The following TMEM45A variants were observed in gnomAD, a reference collection of about 807,000 sequenced individuals.
The protein encoded by TMEM45A is transmembrane protein 45A, also known as DNA polymerase-transactivated protein 4.
A neutral mutation model predicts 32.0 loss-of-function variants in TMEM45A; 25 were observed. The observed-to-expected ratio is 0.78, with a 90% CI of 0.57 to 1.09. TMEM45A has a LOEUF of 1.09. Ranked by LOEUF, TMEM45A falls within the 50% of genes least tolerant of loss-of-function variation. The probability of loss-of-function intolerance (pLI) is 0.00; values close to 1 mark genes in which losing one functional copy is unlikely to be tolerated. For missense variants in TMEM45A, 302 were observed against 325.0 expected (o/e 0.93, Z 0.54); for synonymous variants, 122 against 114.8 (o/e 1.06, Z -0.40).
At chr3:100,499,232 T>C (rs1021312892) in intron 1 of TMEM45A, among the ~76,000 whole-genome samples, 21 of 152,232 alleles carry the variant, frequency 1.4e-4, no homozygotes, top group African/African-American at 5.1e-4. Context: ...CTTTTTTGCC[T>C]GCACTTTTGG....
At chr3:100,563,780 G>T (rs1706377093) in intron 4 of TMEM45A, among the ~76,000 whole-genome samples, 1 of 152,122 alleles carries the variant, frequency 6.6e-6, no homozygotes, top group Non-Finnish European at 1.5e-5. Context: ...TGGTCACTTT[G>T]GCTCCCACAG....
intron 1 of TMEM45A, among the ~76,000 whole-genome samples, chr3:100,507,334 C>T (rs1014578240): frequency 6.6e-6 from 1 of 152,180 alleles, no homozygotes; most frequent in African/African-American, 2.4e-5. Context: ...ATTTACAAAT[C>T]TTTTGGCTGC....
chr3:100,501,977 T>A, intron 1 of TMEM45A, among the ~76,000 whole-genome samples: 1 of 152,186 alleles, frequency 6.6e-6, no homozygotes, highest in East Asian at 1.9e-4. Context: ...GAAACCAAGG[T>A]GAAATTTAAG....
intron 1 of TMEM45A, among the ~76,000 whole-genome samples, chr3:100,518,694 T>G (rs1705350365): frequency 6.6e-6 from 1 of 152,172 alleles, no homozygotes. Flanking sequence ...TGAGTCGTAT[T>G]TGTGTTCAGA....
rs552283817 is a variant in TMEM45A, at chr3:100,508,724, C to T, written c.-4+15796C>T. Among the ~76,000 whole-genome samples the T allele has an allele frequency of 2.0e-5, 3 of 151,828 alleles. No individual in the cohort carries two copies. The South Asian group carries it at 6.2e-4, about 32-fold the overall frequency. ...TATATTGGGGAAAGGAAACCCTGTT[C>T]AATAAGTGGTGCTGGGAAAACTGGA... is the stretch of plus-strand genomic sequence containing the variant. On this transcript the variant is annotated intron_variant, in intron 1 of 5. Transcript: ENST00000323523.
chr3:100,558,632 G>C (rs7645690), intron 4 of TMEM45A, 43 bp downstream of exon 4: 665,982 of 1,584,880 alleles, frequency 0.42, 141,686 homozygotes, highest in Admixed American at 0.46. Context: ...CTCTTTGCCT[G>C]TAACTTCTCT....
chr3:100,561,736 C>T (rs1288966181), intron 4 of TMEM45A, among the ~76,000 whole-genome samples: 2 of 152,172 alleles, frequency 1.3e-5, no homozygotes, highest in African/African-American at 4.8e-5. Flanking sequence ...TCCTCACCGC[C>T]CAGGTGCAGG....
chr3:100,555,460 A>C lies in TMEM45A; in HGVS notation c.190+59A>C, dbSNP rs1046575116. On this transcript the variant is annotated intron_variant, in intron 2 of 5. Coordinates refer to ENST00000323523, the MANE Select transcript of TMEM45A (RefSeq NM_018004.3). ...TTTAGGTGTTTTCATTCTTTTAAAGAATTGGTTGGAGCTTCTGAAATAATT... is the reference window on the plus strand; with the variant it reads ...TTTAGGTGTTTTCATTCTTTTAAAGCATTGGTTGGAGCTTCTGAAATAATT... 1.2e-4 allele frequency: 181 copies of C among 1,476,966 alleles called. No individual in the cohort carries two copies. The African/African-American group carries it at 2.5e-3, about 20-fold the overall frequency. The allele number at this position is 1,476,966 out of a possible 1,614,324, so 91.5% of individuals were successfully genotyped here. A position where few individuals can be genotyped will look rare whatever the true frequency, so the allele number is the denominator to read the frequency against.
chr3:100,522,526 C>T lies in TMEM45A; in HGVS notation c.-4+29598C>T, dbSNP rs188723331. The stretch of plus-strand genomic sequence containing the variant: ...TCAAAATGAAGTTCTTCTTAAAAGT[C>T]CTAACTCTCTGGTGCTGGCCTATAG... On this transcript the variant is annotated intron_variant, in intron 1 of 5. Coordinates refer to ENST00000323523, the MANE Select transcript of TMEM45A (RefSeq NM_018004.3). 7.9e-5 allele frequency among the ~76,000 whole-genome samples: 12 copies of T among 152,282 alleles called. No individual in the cohort carries two copies. In the East Asian group the frequency reaches 1.9e-3, roughly 24 times the overall value.
At chr3:100,550,812 CG>C (rs950563903) in intron 1 of TMEM45A, among the ~76,000 whole-genome samples, 2 of 151,886 alleles carry the variant, frequency 1.3e-5, no homozygotes, top group Non-Finnish European at 2.9e-5. Context: ...GTGTTTACGC[CG>C]GGGGGTGTTC....
intron 1 of TMEM45A, among the ~76,000 whole-genome samples, chr3:100,515,531 T>C (rs9842423): frequency 0.032 from 4,662 of 147,388 alleles, 284 homozygotes; most frequent in African/African-American, 0.11. Context: ...TAATGCTAGA[T>C]GACGAGTTAG....
At chr3:100,528,586 A>G (rs1221102410) in intron 1 of TMEM45A, among the ~76,000 whole-genome samples, 1 of 152,006 alleles carries the variant, frequency 6.6e-6, no homozygotes, top group Non-Finnish European at 1.5e-5. Flanking sequence ...GAGTCAGAAC[A>G]TTTTCCGAGA....
chr3:100,508,648 T>A lies in TMEM45A; in HGVS notation c.-4+15720T>A, dbSNP rs115912676. On this transcript the variant is annotated intron_variant, in intron 1 of 5. Coordinates refer to ENST00000323523, the MANE Select transcript of TMEM45A (RefSeq NM_018004.3). ...TGGAACAGAATAGAGAATTCAGAAA[T>A]AAATCCACATATTTACAGTCAACTG... Among the ~76,000 whole-genome samples the A allele has an allele frequency of 9.2e-3, 1,395 of 152,088 alleles. 28 individuals carry two copies. The highest frequency in any genetic ancestry group is 0.032 in the African/African-American group (1,348 of 41,496).
intron 1 of TMEM45A, among the ~76,000 whole-genome samples, chr3:100,539,487 A>ATATGTG (rs1705816526): frequency 7.1e-6 from 1 of 140,384 alleles, no homozygotes; most frequent in Non-Finnish European, 1.5e-5. Context: ...ATGTATATGT[A>ATATGTG]TATGTATACG....
chr3:100,499,312 T>C (rs1173433278), intron 1 of TMEM45A, among the ~76,000 whole-genome samples: 2 of 152,218 alleles, frequency 1.3e-5, no homozygotes, highest in African/African-American at 4.8e-5. Flanking sequence ...CTTCTGAGAA[T>C]TTTATAGTTT....
intron 5 of TMEM45A, chr3:100,571,059 A>C (rs1706546967): frequency 6.6e-6 from 1 of 152,092 alleles, no homozygotes; most frequent in Non-Finnish European, 1.5e-5. Context: ...ATGTTCTATT[A>C]TTGCATAAAA....
chr3:100,574,731 G>A (rs1241024052), intron 5 of TMEM45A: 1 of 152,094 alleles, frequency 6.6e-6, no homozygotes, highest in Non-Finnish European at 1.5e-5. Flanking sequence ...CACACCTCTT[G>A]GCACACTGCC....
intron 1 of TMEM45A, among the ~76,000 whole-genome samples, chr3:100,510,757 C>T (rs1278622191): frequency 2.6e-5 from 4 of 152,034 alleles, no homozygotes; most frequent in Non-Finnish European, 5.9e-5. Context: ...ACTAGAATAA[C>T]CAATACAGAG....
At chr3:100,502,243 A>T (rs973185746) in intron 1 of TMEM45A, among the ~76,000 whole-genome samples, 1 of 149,440 alleles carries the variant, frequency 6.7e-6, no homozygotes, top group South Asian at 2.1e-4. Context: ...TTTTCTCCTG[A>T]TATGTCCTTT....
Sources: gnomAD v4.1 joint callset for allele counts (sites outside exome capture counted in the v4.1 genomes callset) on GRCh38, gnomAD v4.1.1 for gene constraint, MANE v1.5 for transcripts, NCBI Gene and HGNC (gene_info 2026-07-23, HGNC 2026-07-21) for gene names.